ARHGEF7: variants seen among roughly 807,000 people sequenced by gnomAD.
ARHGEF7 encodes PAK-interacting exchange factor beta.
A neutral mutation model predicts 109.8 loss-of-function variants in ARHGEF7; 33 were observed. The observed-to-expected ratio is 0.30, with a 90% CI of 0.23 to 0.40. The LOEUF is 0.40. Ranked by LOEUF, ARHGEF7 falls within the 10% of genes least tolerant of loss-of-function variation. ARHGEF7 has a pLI of 1.00. For synonymous variants in ARHGEF7, 458 were observed against 424.6 expected (o/e 1.08, Z -0.97); for missense variants, 938 against 1,098.5 (o/e 0.85, Z 2.07).
chr13:111,247,562 C>T lies in ARHGEF7; in HGVS notation c.950+3268C>T, dbSNP rs187100930. Among the ~76,000 whole-genome samples the T allele has an allele frequency of 6.0e-3, 917 of 152,264 alleles. 6 individuals carry two copies. The highest frequency in any genetic ancestry group is 0.011 in the Admixed American group (165 of 15,310). Reference sequence around the variant, plus strand: ...TTGGGATTACAGGCGTGAGCAACCACGCCTGGCCTTCATATTCATTATTTC... The same window carrying T: ...TTGGGATTACAGGCGTGAGCAACCATGCCTGGCCTTCATATTCATTATTTC... On this transcript the variant is annotated intron_variant, in intron 8 of 21. Transcript: ENST00000646102.
chr13:111,130,804 G>A (rs575384556), intron 1 of ARHGEF7, among the ~76,000 whole-genome samples: 63 of 152,356 alleles, frequency 4.1e-4, no homozygotes, highest in African/African-American at 1.4e-3. Flanking sequence ...GGGGAAGGCT[G>A]TCCTCAAGAA....
chr13:111,123,669 A>G (rs1031576020), intron 1 of ARHGEF7, among the ~76,000 whole-genome samples: 2 of 152,242 alleles, frequency 1.3e-5, no homozygotes, highest in African/African-American at 4.8e-5. Flanking sequence ...TCTTATTAAG[A>G]CTAATCAGAG....
chr13:111,266,224 A>G lies in ARHGEF7; in HGVS notation c.951-1324A>G, dbSNP rs1436846035. ...CCACCCCCGTTTCAAGGGGTGCTTCAGTGTTTCTGGGCTCTGGTGCTGAGG... is the reference window on the plus strand; with the variant it reads ...CCACCCCCGTTTCAAGGGGTGCTTCGGTGTTTCTGGGCTCTGGTGCTGAGG... On this transcript the variant is annotated intron_variant, in intron 8 of 21. Coordinates refer to ENST00000646102, the MANE Select transcript of ARHGEF7 (RefSeq NM_001354046.2). This position sits in a 1 kb window ranked among gnomAD's most constrained non-coding sequence, Gnocchi z 4.8. Among the ~76,000 whole-genome samples, 4 of 150,504 alleles carry G rather than the reference A, an allele frequency of 2.7e-5. No homozygotes were observed. The highest frequency in any genetic ancestry group is 4.9e-5 in the African/African-American group (2 of 40,820).
rs2092247826 is a variant in ARHGEF7 at position 111,272,662 on chromosome 13, G to A, written c.1074-1152G>A. Among the ~76,000 whole-genome samples the A allele has an allele frequency of 6.6e-6, 1 of 152,108 alleles. No homozygotes were observed. Among genetic ancestry groups the A allele is most frequent in the Non-Finnish European group, 1.5e-5 (1 of 68,014 alleles). On this transcript the variant is annotated intron_variant, in intron 9 of 21. Transcript: ENST00000646102. The surrounding 1 kb of genome is among the most constrained non-coding windows in gnomAD (Gnocchi z 5.2). The stretch of plus-strand genomic sequence containing the variant: ...GGGCGGGGGTCACCTGGGTCTCCTG[G>A]ATGGGATGTGGTGACTGAGAAGTCA...
intron 5 of ARHGEF7, among the ~76,000 whole-genome samples, chr13:111,232,680 GT>G (rs892925227): frequency 5.9e-4 from 90 of 152,218 alleles, no homozygotes; most frequent in African/African-American, 2.1e-3. Context: ...GGTTTTTCTT[GT>G]TTTTGCCCCT....
intron 1 of ARHGEF7, among the ~76,000 whole-genome samples, chr13:111,128,104 G>C (rs1161047306): frequency 6.6e-6 from 1 of 152,180 alleles, no homozygotes; most frequent in South Asian, 2.1e-4. Flanking sequence ...GCCTATGTGA[G>C]ACTCAATGGT....
Position 111,267,679 on chromosome 13 carries a change from G to T in ARHGEF7, c.1073+9G>T. Reference sequence around the variant, plus strand: ...GTCCTCACGGAACACAGGTGCGCTTGCTAGGCACCTTGGCAACAGGGAGGG... The same window carrying T: ...GTCCTCACGGAACACAGGTGCGCTTTCTAGGCACCTTGGCAACAGGGAGGG... On this transcript the variant is annotated intron_variant, in intron 9 of 21. Transcript: ENST00000646102. The T allele has an allele frequency of 1.2e-6, 2 of 1,613,386 alleles. No individual in the cohort carries two copies. Among genetic ancestry groups the T allele is most frequent in the Non-Finnish European group, 1.7e-6 (2 of 1,179,566 alleles).
intron 3 of ARHGEF7, among the ~76,000 whole-genome samples, chr13:111,207,207 C>T (rs1375171632): frequency 2.0e-5 from 3 of 152,118 alleles, no homozygotes; most frequent in Admixed American, 1.3e-4. Context: ...CTTGCTCTGT[C>T]GTCCACGCTG....
intron 9 of ARHGEF7, among the ~76,000 whole-genome samples, chr13:111,268,920 A>G (rs1234106737): frequency 6.6e-6 from 1 of 152,224 alleles, no homozygotes; most frequent in Admixed American, 6.5e-5. Context: ...GTGCTCAAAT[A>G]TAAAAGGATT....
intron 2 of ARHGEF7, among the ~76,000 whole-genome samples, chr13:111,173,698 G>A (rs2077816871): frequency 6.6e-6 from 1 of 152,190 alleles, no homozygotes; most frequent in Admixed American, 6.5e-5. Flanking sequence ...TGGCTGCCAA[G>A]TGAGCATGGA....
intron 2 of ARHGEF7, among the ~76,000 whole-genome samples, chr13:111,178,537 A>T (rs1166460922): frequency 1.3e-5 from 2 of 152,214 alleles, no homozygotes; most frequent in Non-Finnish European, 2.9e-5. Context: ...GGTGGTATCC[A>T]CTTGGGATTC....
At chr13:111,278,248 G>A (rs1191563597) in intron 13 of ARHGEF7, among the ~76,000 whole-genome samples, 1 of 152,188 alleles carries the variant, frequency 6.6e-6, no homozygotes, top group Non-Finnish European at 1.5e-5. Context: ...GTGGTTTATA[G>A]TGGTGGTATA....
chr13:111,148,357 A>C (rs559237562), intron 1 of ARHGEF7, among the ~76,000 whole-genome samples: 65 of 152,150 alleles, frequency 4.3e-4, no homozygotes, highest in Admixed American at 9.2e-4. Context: ...ACTTACTATA[A>C]AGTTTTGACT....
intron 2 of ARHGEF7, among the ~76,000 whole-genome samples, chr13:111,192,234 G>C (rs2079976246): frequency 6.6e-6 from 1 of 152,088 alleles, no homozygotes; most frequent in Non-Finnish European, 1.5e-5. Flanking sequence ...GTGAATCCAA[G>C]ATTCCACTCC....
At chr13:111,149,067 CA>C (rs1221274726) in intron 1 of ARHGEF7, among the ~76,000 whole-genome samples, 1 of 151,856 alleles carries the variant, frequency 6.6e-6, no homozygotes, top group African/African-American at 2.4e-5. Flanking sequence ...GATAGTCATT[CA>C]GGGGTAAATT....
rs1462462535 is a variant in ARHGEF7 at position 111,159,502 on chromosome 13, A to G, written c.252+5511A>G. 2.0e-5 allele frequency among the ~76,000 whole-genome samples: 3 copies of G among 152,304 alleles called. No homozygotes were observed. In the East Asian group the frequency reaches 5.8e-4, roughly 29 times the overall value. On this transcript the variant is annotated intron_variant, in intron 2 of 21. Coordinates refer to ENST00000646102, the MANE Select transcript of ARHGEF7 (RefSeq NM_001354046.2). ...GCTTCAGGAATTTACATTCCCACCA[A>G]CAATGTGCAAGGCTTATCTTTTCTC...
intron 18 of ARHGEF7, among the ~76,000 whole-genome samples, chr13:111,290,469 G>T (rs574343903): frequency 2.0e-5 from 3 of 152,242 alleles, no homozygotes; most frequent in Admixed American, 2.0e-4. Context: ...CTTATATCAG[G>T]GACTGGAGCG....
chr13:111,134,234 G>A (rs916119727), intron 1 of ARHGEF7, among the ~76,000 whole-genome samples: 3 of 151,062 alleles, frequency 2.0e-5, no homozygotes, highest in African/African-American at 7.3e-5. Context: ...GCTATTGTGA[G>A]TAGTGCCGCA....
At chr13:111,166,627 G>A (rs1315168571) in intron 2 of ARHGEF7, among the ~76,000 whole-genome samples, 1 of 152,216 alleles carries the variant, frequency 6.6e-6, no homozygotes, top group Non-Finnish European at 1.5e-5. Flanking sequence ...ACTAGATGGG[G>A]TATGCAGGAG....
Sources: allele counts gnomAD v4.1 joint callset (sites outside exome capture counted in the v4.1 genomes callset), GRCh38; gene constraint gnomAD v4.1.1; non-coding constraint Gnocchi (gnomAD v3.1); transcripts MANE v1.5; gene names NCBI Gene and HGNC (gene_info 2026-07-23, HGNC 2026-07-21).